PDZD2: variants seen among roughly 807,000 people sequenced by gnomAD.
The protein encoded by PDZD2 is PDZ domain-containing protein 2.
A neutral mutation model predicts 220.7 loss-of-function variants in PDZD2; 90 were observed. The ratio of observed to expected loss-of-function variants is 0.41; its 90% CI spans 0.34 to 0.49. The LOEUF (loss-of-function observed/expected upper bound fraction) is 0.49, where lower values mean the gene tolerates loss of function less well. Ranked by LOEUF, PDZD2 falls within the 20% of genes least tolerant of loss-of-function variation. PDZD2 has a pLI of 0.28. For synonymous variants in PDZD2, 1,375 were observed against 1,450.5 expected, an observed-to-expected ratio of 0.95 and a Z score of 1.18; for missense variants, 3,174 against 3,608.5, an observed-to-expected ratio of 0.88 and a Z score of 3.08.
intron 1 of PDZD2, among the ~76,000 whole-genome samples, chr5:31,704,898 C>T (rs72755417): frequency 0.14 from 20,742 of 152,152 alleles, 1,551 homozygotes; most frequent in East Asian, 0.21. Context: ...CGGTGGCTCA[C>T]GCTTATAATC....
chr5:31,824,106 T>C (rs6885954), intron 2 of PDZD2, among the ~76,000 whole-genome samples: 93,619 of 151,960 alleles, frequency 0.62, 29,329 homozygotes, highest in African/African-American at 0.68. Context: ...AAGGTCAAAG[T>C]GATCTTTTTG....
At chr5:31,647,278 C>T (rs1408637986) in intron 1 of PDZD2, among the ~76,000 whole-genome samples, 1 of 152,188 alleles carries the variant, frequency 6.6e-6, no homozygotes, top group African/African-American at 2.4e-5. Context: ...GTTCTAGACA[C>T]TTGCCACATA....
At chr5:31,829,189 T>G (rs780483220) in intron 2 of PDZD2, among the ~76,000 whole-genome samples, 1 of 152,234 alleles carries the variant, frequency 6.6e-6, no homozygotes, top group African/African-American at 2.4e-5. Context: ...TTGGTCATTT[T>G]TTCTAGTGTT....
chr5:31,890,588 A>G (rs888786643), intron 2 of PDZD2, among the ~76,000 whole-genome samples: 1 of 152,162 alleles, frequency 6.6e-6, no homozygotes, highest in African/African-American at 2.4e-5. Context: ...ACCCAGCTTT[A>G]GATGTTAATT....
intron 7 of PDZD2, among the ~76,000 whole-genome samples, chr5:32,042,906 G>A (rs1423094694): frequency 1.3e-5 from 2 of 152,176 alleles, no homozygotes; most frequent in Admixed American, 1.3e-4. Context: ...CCAGAACTCT[G>A]AGGAAATACA....
intron 1 of PDZD2, among the ~76,000 whole-genome samples, chr5:31,794,462 A>G (rs980833067): frequency 2.2e-5 from 3 of 137,070 alleles, no homozygotes; most frequent in Non-Finnish European, 3.0e-5. Flanking sequence ...GTGCAGTGGC[A>G]CGATCTCGGC....
intron 1 of PDZD2, among the ~76,000 whole-genome samples, chr5:31,704,014 C>T (rs1241478156): frequency 2.0e-5 from 3 of 149,028 alleles, no homozygotes; most frequent in Admixed American, 6.8e-5. Flanking sequence ...TCCTTCCCTT[C>T]CTTCTTTCCT....
In PDZD2 at chr5:32,022,196, T is replaced by G. The variant is rs367919746; in HGVS notation, c.1407+11714T>G. Among the ~76,000 whole-genome samples, 423 of 145,442 alleles carry G rather than the reference T, an allele frequency of 2.9e-3. 9 individuals carry two copies. The highest frequency in any genetic ancestry group is 0.01 in the African/African-American group (385 of 37,416). On this transcript the variant is annotated intron_variant, in intron 6 of 24. Transcript: ENST00000438447. ...CGTTTTGTTTTTTTGTTTTTTTGTT[T>G]TTTGTTTTTTTTTGGAGTTGGGGGA...
At chr5:32,022,121 A>G (rs911985721) in intron 6 of PDZD2, among the ~76,000 whole-genome samples, 4 of 148,192 alleles carry the variant, frequency 2.7e-5, no homozygotes, top group African/African-American at 9.9e-5. Flanking sequence ...GGTATTTTTT[A>G]TATTCCATAA....
chr5:31,788,676 A>T (rs1003220509), intron 1 of PDZD2, among the ~76,000 whole-genome samples: 1 of 116,448 alleles, frequency 8.6e-6, no homozygotes, highest in African/African-American at 3.2e-5. Context: ...AAAATAAATA[A>T]ATAAATTAAA....
chr5:31,960,151 C>G (rs1402755901), intron 2 of PDZD2, among the ~76,000 whole-genome samples: 1 of 152,076 alleles, frequency 6.6e-6, no homozygotes, highest in African/African-American at 2.4e-5. Context: ...GCTGTTCAAC[C>G]TAGATGCTTG....
intron 6 of PDZD2, among the ~76,000 whole-genome samples, chr5:32,032,606 GCTTTTGT>G (rs1196849459): frequency 3.3e-5 from 5 of 152,032 alleles, no homozygotes; most frequent in African/African-American, 1.2e-4. Context: ...AGAATTTGTT[GCTTTTGT>G]CTTCTGTTTT....
intron 2 of PDZD2, chr5:31,923,546 G>T: frequency 2.2e-6 from 2 of 892,030 alleles, no homozygotes; most frequent in South Asian, 2.6e-5. Context: ...GGATTATTTG[G>T]TCTTCTGGAT....
intron 2 of PDZD2, among the ~76,000 whole-genome samples, chr5:31,800,011 C>G (rs1340559213): frequency 6.6e-6 from 1 of 152,092 alleles, no homozygotes; most frequent in East Asian, 1.9e-4. Context: ...GGAAGATCCA[C>G]TTTGATCTTA....
At chr5:31,786,946 G>C (rs6895494) in intron 1 of PDZD2, among the ~76,000 whole-genome samples, 4,515 of 152,198 alleles carry the variant, frequency 0.03, 104 homozygotes, top group African/African-American at 0.067. Flanking sequence ...AGCACACTTG[G>C]TATGAAAGGA....
intron 2 of PDZD2, among the ~76,000 whole-genome samples, chr5:31,900,449 ACTTCG>A (rs1372412875): frequency 6.6e-6 from 1 of 152,152 alleles, no homozygotes; most frequent in Non-Finnish European, 1.5e-5. Flanking sequence ...TAGGGGAGGG[ACTTCG>A]GGCCTGGAAC....
At chr5:32,086,244 C>T (rs909176202) in intron 19 of PDZD2, among the ~76,000 whole-genome samples, 1 of 152,190 alleles carries the variant, frequency 6.6e-6, no homozygotes, top group Non-Finnish European at 1.5e-5. Context: ...CATTCACATC[C>T]CCCAGTGTGA....
chr5:32,096,326 G>A (rs1412125846), intron 21 of PDZD2, among the ~76,000 whole-genome samples: 1 of 151,666 alleles, frequency 6.6e-6, no homozygotes, highest in Non-Finnish European at 1.5e-5. Context: ...TGAACTTTGG[G>A]GGTTTTTTGA....
At chr5:31,737,169 T>C (rs958960593) in intron 1 of PDZD2, among the ~76,000 whole-genome samples, 3 of 32,866 alleles carry the variant, frequency 9.1e-5, no homozygotes, top group Admixed American at 3.0e-4. Context: ...GTCTACTTCT[T>C]TTTTTTTTTT....
Sources: gnomAD v4.1 joint callset for allele counts (sites outside exome capture counted in the v4.1 genomes callset) on GRCh38, gnomAD v4.1.1 for gene constraint, MANE v1.5 for transcripts, NCBI Gene and HGNC (gene_info 2026-07-23, HGNC 2026-07-21) for gene names.